The following DOCK4 variants were observed in gnomAD, a reference collection of about 807,000 sequenced individuals.
The protein encoded by DOCK4 is dedicator of cytokinesis protein 4.
Under a neutral mutation model 268.1 loss-of-function variants are expected in DOCK4, and 97 were observed. The ratio of observed to expected loss-of-function variants is 0.36; its 90% CI spans 0.31 to 0.43. The LOEUF is 0.43. DOCK4 is among the 20% of genes least tolerant of loss of function. The pLI, the probability that DOCK4 is intolerant of heterozygous loss-of-function variation, is 1.00. For missense variants in DOCK4, 2,145 were observed against 2,455.7 expected, an observed-to-expected ratio of 0.87 and a Z score of 2.67; for synonymous variants, 954 against 887.2, an observed-to-expected ratio of 1.08 and a Z score of -1.34.
At chr7:111,774,169 T>A (rs769216576) in intron 36 of DOCK4, among the ~76,000 whole-genome samples, 1 of 152,114 alleles carries the variant, frequency 6.6e-6, no homozygotes, top group East Asian at 1.9e-4. Flanking sequence ...ATAGGTACTT[T>A]AATAGAAATC....
chr7:112,151,591 T>C (rs1475239968), intron 1 of DOCK4, among the ~76,000 whole-genome samples: 1 of 152,094 alleles, frequency 6.6e-6, no homozygotes, highest in African/African-American at 2.4e-5. Context: ...TACACAGTAG[T>C]AGCACATCTT....
At chr7:112,006,989 T>C (rs1346379768) in intron 1 of DOCK4, among the ~76,000 whole-genome samples, 1 of 152,198 alleles carries the variant, frequency 6.6e-6, no homozygotes, top group Admixed American at 6.5e-5. Flanking sequence ...CATCTATTAT[T>C]CTCTATTTAG....
intron 1 of DOCK4, among the ~76,000 whole-genome samples, chr7:112,071,872 A>G (rs1281164071): frequency 6.6e-6 from 1 of 152,204 alleles, no homozygotes; most frequent in Non-Finnish European, 1.5e-5. Flanking sequence ...AAGGAAGGGT[A>G]AAGAATTATC....
intron 1 of DOCK4, among the ~76,000 whole-genome samples, chr7:112,203,826 TACACACACACACACACACAC>T (rs3056587): frequency 2.0e-4 from 29 of 147,000 alleles, no homozygotes; most frequent in African/African-American, 5.2e-4. Flanking sequence ...AAAATTTCAC[TACACACACACACACACACAC>T]ACACACACAC....
chr7:112,154,600 T>C (rs772396890), intron 1 of DOCK4, among the ~76,000 whole-genome samples: 4 of 152,140 alleles, frequency 2.6e-5, no homozygotes, highest in Non-Finnish European at 5.9e-5. Flanking sequence ...CTACAATATA[T>C]CAAGACAACT....
intron 12 of DOCK4, among the ~76,000 whole-genome samples, chr7:111,926,841 A>C (rs1020360975): frequency 1.3e-5 from 2 of 150,324 alleles, no homozygotes; most frequent in African/African-American, 2.5e-5. Flanking sequence ...AAAAGAAAGA[A>C]AGAGAAAGAG....
In DOCK4 at chr7:111,896,897, C is replaced by T. The variant is rs534004031; in HGVS notation, c.1481-1179G>A. Among the ~76,000 whole-genome samples, 7 of 152,158 alleles carry T rather than the reference C, an allele frequency of 4.6e-5. No individual in the cohort carries two copies. The South Asian group carries it at 1.5e-3, about 32-fold the overall frequency. ...TTTCTTTTAAAATCATTAATTTCAA[C>T]CCCATAGAGAAACTGGAAAAATAAT... On this transcript the variant is annotated intron_variant, in intron 15 of 52. Coordinates refer to ENST00000428084, the MANE Select transcript of DOCK4 (RefSeq NM_001363540.2).
chr7:111,913,660 C>T (rs772211581), intron 13 of DOCK4, among the ~76,000 whole-genome samples: 4 of 151,094 alleles, frequency 2.6e-5, no homozygotes, highest in South Asian at 2.1e-4. Context: ...CCGCCCACCT[C>T]GGCCTCCCAA....
chr7:111,835,620 A>G (rs2134031417), intron 25 of DOCK4, among the ~76,000 whole-genome samples: 1 of 152,356 alleles, frequency 6.6e-6, no homozygotes, highest in African/African-American at 2.4e-5. Flanking sequence ...ATTTAAAACA[A>G]AACAAATACA....
At chr7:112,130,855 A>G (rs532946209) in intron 1 of DOCK4, among the ~76,000 whole-genome samples, 1 of 152,370 alleles carries the variant, frequency 6.6e-6, no homozygotes, top group South Asian at 2.1e-4. Context: ...ATGGCATTGC[A>G]AAGTTGAATT....
At chr7:111,797,773 A>C (rs2133841019) in intron 30 of DOCK4, among the ~76,000 whole-genome samples, 1 of 152,320 alleles carries the variant, frequency 6.6e-6, no homozygotes, top group Non-Finnish European at 1.5e-5. Flanking sequence ...ACCAAAAGAC[A>C]GATAAGAATC....
intron 8 of DOCK4, among the ~76,000 whole-genome samples, chr7:111,974,065 A>G (rs1229279804): frequency 6.6e-6 from 1 of 152,104 alleles, no homozygotes; most frequent in African/African-American, 2.4e-5. Flanking sequence ...GAAAGAAAAA[A>G]ATAGAAGGAA....
intron 52 of DOCK4, 94 bp downstream of exon 52, chr7:111,732,132 C>T: frequency 7.7e-7 from 1 of 1,298,614 alleles, no homozygotes; most frequent in South Asian, 1.3e-5. Flanking sequence ...CTGGTCCCTG[C>T]AAATTAAAGC....
intron 10 of DOCK4, among the ~76,000 whole-genome samples, chr7:111,943,567 A>ATTT (rs1795369399): frequency 6.6e-6 from 1 of 152,252 alleles, no homozygotes; most frequent in East Asian, 1.9e-4. Flanking sequence ...AGACTAAATG[A>ATTT]CAAACTACCT....
chr7:111,832,699 T>G (rs1343831162), intron 26 of DOCK4, among the ~76,000 whole-genome samples: 1 of 152,114 alleles, frequency 6.6e-6, no homozygotes, highest in Non-Finnish European at 1.5e-5. Context: ...AGCTAATTTT[T>G]GTATTTTTAG....
chr7:111,844,769 A>G lies in DOCK4; in HGVS notation c.2730T>C (p.Asp910=). The G allele has an allele frequency of 6.2e-7, 1 of 1,613,124 alleles. No homozygotes were observed. Among genetic ancestry groups the G allele is most frequent in the Non-Finnish European group, 8.5e-7 (1 of 1,179,498 alleles). Residue 910 remains aspartate, a synonymous_variant, in exon 25 of 53, where the codon GAT becomes GAC. Coordinates refer to ENST00000428084, the MANE Select transcript of DOCK4 (RefSeq NM_001363540.2). ...SSSAMRFQFQ[D]VTGEFVACLL... ...ATCTGCTCTATGATCTTACAGTGAC[A>G]TCCTGGAACTGGAACCGCATTGCTG...
At chr7:112,096,814 A>G (rs1316947864) in intron 1 of DOCK4, among the ~76,000 whole-genome samples, 2 of 152,200 alleles carry the variant, frequency 1.3e-5, no homozygotes, top group Non-Finnish European at 2.9e-5. Context: ...AAGCCAAGCC[A>G]GTATGGAGAA....
At chr7:111,882,030 T>C (rs893256994) in intron 16 of DOCK4, among the ~76,000 whole-genome samples, 11 of 152,164 alleles carry the variant, frequency 7.2e-5, no homozygotes, top group Admixed American at 7.2e-4. Context: ...AGGGTGACTA[T>C]AGTTAACAAT....
chr7:111,747,838 C>T (rs966902843), intron 42 of DOCK4, among the ~76,000 whole-genome samples: 1 of 151,958 alleles, frequency 6.6e-6, no homozygotes, highest in African/African-American at 2.4e-5. Context: ...ATACAAAGCA[C>T]CATGGGAGAT....
Sources: allele counts gnomAD v4.1 joint callset (sites outside exome capture counted in the v4.1 genomes callset), GRCh38; gene constraint gnomAD v4.1.1; transcripts MANE v1.5; gene names NCBI Gene and HGNC (gene_info 2026-07-23, HGNC 2026-07-21).